Variants in SVIL observed in about 807,000 individuals in gnomAD.
SVIL encodes the protein supervillin.
SVIL carries 101 observed loss-of-function variants against 240.4 expected under a neutral mutation model. The ratio of observed to expected loss-of-function variants is 0.42; its 90% CI spans 0.36 to 0.50. The LOEUF (loss-of-function observed/expected upper bound fraction) is 0.50, where lower values mean the gene tolerates loss of function less well. SVIL is among the 20% of genes least tolerant of loss of function. The pLI, the probability that SVIL is intolerant of heterozygous loss-of-function variation, is 0.01. For missense variants in SVIL, 2,512 were observed against 2,818.7 expected (o/e 0.89, Z 2.46); for synonymous variants, 999 against 1,100.0 (o/e 0.91, Z 1.82).
intron 1 of SVIL, among the ~76,000 whole-genome samples, chr10:29,723,595 G>C (rs1964113099): frequency 6.6e-6 from 1 of 151,866 alleles, no homozygotes; most frequent in Non-Finnish European, 1.5e-5. Context: ...GGAAAATGAG[G>C]AAGAAGAAGG....
At chr10:29,697,101 A>G (rs1962129752) in intron 1 of SVIL, among the ~76,000 whole-genome samples, 1 of 114,644 alleles carries the variant, frequency 8.7e-6, no homozygotes, top group Non-Finnish European at 1.8e-5. Flanking sequence ...GGAAGTGAGG[A>G]GCCCCTCTGC....
intron 6 of SVIL, among the ~76,000 whole-genome samples, chr10:29,544,343 G>T (rs535655826): frequency 3.9e-5 from 6 of 152,284 alleles, no homozygotes; most frequent in African/African-American, 1.4e-4. Context: ...TACAAAATCT[G>T]CAAGGACACA....
chr10:29,639,952 T>G (rs574258724), upstream of SVIL, among the ~76,000 whole-genome samples: 3 of 152,166 alleles, frequency 2.0e-5, no homozygotes, highest in South Asian at 6.2e-4. Context: ...TCTGGCGCTT[T>G]GGGGAATGCC....
At chr10:29,564,591 T>C (rs1175018060) in intron 2 of SVIL, among the ~76,000 whole-genome samples, 3 of 152,160 alleles carry the variant, frequency 2.0e-5, no homozygotes, top group African/African-American at 7.2e-5. Flanking sequence ...CCACTGCGCA[T>C]ACTGTGTAAG....
intron 6 of SVIL, among the ~76,000 whole-genome samples, chr10:29,542,471 T>C (rs976761205): frequency 6.6e-6 from 1 of 152,108 alleles, no homozygotes; most frequent in African/African-American, 2.4e-5. Flanking sequence ...GCTAAAATCC[T>C]CTTCTGGGTA....
chr10:29,631,339 C>T (rs1958082563), intron 1 of SVIL, among the ~76,000 whole-genome samples: 1 of 152,174 alleles, frequency 6.6e-6, no homozygotes, highest in Non-Finnish European at 1.5e-5. Flanking sequence ...AAGCAGTAGC[C>T]CAGGTAAGAG....
In SVIL at chr10:29,480,740, G is replaced by A. The variant is rs762347128; in HGVS notation, c.5174C>T (p.Thr1725Ile). 19 of 1,614,160 alleles carry A rather than the reference G, an allele frequency of 1.2e-5. No individual in the cohort carries two copies. Among genetic ancestry groups the A allele is most frequent in the South Asian group, 6.6e-5 (6 of 91,088 alleles). ...GCCGACGTTCACTCCGTCCAGGATGGTGCCTGCTGTCGTCTGGGGCATGGA... is the reference window on the plus strand; with the variant it reads ...GCCGACGTTCACTCCGTCCAGGATGATGCCTGCTGTCGTCTGGGGCATGGA... ...MVSMPQTTAG[T>I]ILDGVNVGRG... Residue 1725 changes from threonine to isoleucine, a missense_variant, in exon 29 of 38, where the codon ACC (threonine) becomes ATC (isoleucine). By Grantham distance (89) the Thr-to-Ile change is moderately conservative. Around this residue, in one of 3 missense-constraint regions of SVIL, gnomAD observed 797 missense variants for 925.3 expected, o/e 0.86. Transcript: ENST00000355867.
At chr10:29,526,305 C>T (rs1349341516) in intron 13 of SVIL, among the ~76,000 whole-genome samples, 58 of 114,964 alleles carry the variant, frequency 5.0e-4, no homozygotes, top group African/African-American at 7.5e-4. Flanking sequence ...TTTTCTCTTT[C>T]TTTTTTTTTT....
chr10:29,554,839 A>T lies in SVIL; in HGVS notation c.104T>A (p.Leu35Gln), dbSNP rs1180847879. Reference sequence around the variant, plus strand: ...CATGTATCGAGGGGTGTCTTCCTCCAGCAGGCGGTGAGTCACCAATCCTGT... The same window carrying T: ...CATGTATCGAGGGGTGTCTTCCTCCTGCAGGCGGTGAGTCACCAATCCTGT... ...SCTGLVTHRL[L>Q]EEDTPRYMRA... Residue 35 changes from leucine to glutamine, a missense_variant, in exon 5 of 38, where the codon CTG (leucine) becomes CAG (glutamine). Leu to Gln is a moderately radical substitution (Grantham distance 113). Around this residue, in one of 3 missense-constraint regions of SVIL, gnomAD observed 1,443 missense variants for 1,486.6 expected, o/e 0.97. Transcript: ENST00000355867. The T allele has an allele frequency of 6.2e-7, 1 of 1,613,792 alleles. No individual in the cohort carries two copies. The highest frequency in any genetic ancestry group is 1.7e-5 in the Admixed American group (1 of 59,966).
intron 12 of SVIL, among the ~76,000 whole-genome samples, chr10:29,528,667 G>A (rs1023075196): frequency 2.0e-5 from 3 of 152,058 alleles, no homozygotes; most frequent in East Asian, 1.9e-4. Flanking sequence ...GAGCCCAGGA[G>A]GTTGAGGCTG....
chr10:29,602,450 C>A, intron 1 of SVIL: 1 of 294,394 alleles, frequency 3.4e-6, no homozygotes, highest in Non-Finnish European at 7.1e-6. Flanking sequence ...TACATACACT[C>A]TTCCATAAAA....
chr10:29,487,223 G>A lies in SVIL; in HGVS notation c.4425C>T (p.Leu1475=). 1.2e-6 allele frequency: 2 copies of A among 1,614,156 alleles called. No individual in the cohort carries two copies. The highest frequency in any genetic ancestry group is 1.7e-6 in the Non-Finnish European group (2 of 1,180,014). Residue 1475 remains leucine, a synonymous_variant, in exon 24 of 38, where the codon CTC becomes CTT. Transcript: ENST00000355867. The part of the protein sequence containing the change: ...ALNSGDCFLL[L]SPHCCFLWVG... ...CCCACAGGAAGCAGCAGTGGGGAGA[G>A]AGCAGGAGGAAGCAGTCCCCACTGT...
At chr10:29,502,137 C>T (rs1310545967) in intron 17 of SVIL, among the ~76,000 whole-genome samples, 2 of 152,144 alleles carry the variant, frequency 1.3e-5, no homozygotes, top group South Asian at 2.1e-4. Context: ...AATTTTTACT[C>T]CCTTCTGAAT....
intron 29 of SVIL, among the ~76,000 whole-genome samples, chr10:29,477,302 G>A (rs1342625675): frequency 6.6e-6 from 1 of 152,210 alleles, no homozygotes; most frequent in Non-Finnish European, 1.5e-5. Flanking sequence ...GACTGTTCAT[G>A]GTCAAGCATT....
intron 1 of SVIL, among the ~76,000 whole-genome samples, chr10:29,710,336 C>T (rs1451950918): frequency 2.0e-5 from 3 of 152,304 alleles, no homozygotes; most frequent in Admixed American, 6.5e-5. Context: ...GGATTATAGG[C>T]GTGAGCCACC....
intron 1 of SVIL, among the ~76,000 whole-genome samples, chr10:29,705,598 G>A (rs549333928): frequency 6.6e-6 from 1 of 152,082 alleles, no homozygotes; most frequent in South Asian, 2.1e-4. Context: ...TTTAAGCCCT[G>A]TATGCATTAG....
chr10:29,622,625 G>A lies in SVIL; in HGVS notation c.-201+11795C>T, dbSNP rs555266648. Reference sequence around the variant, plus strand: ...CCCTGGTTCCCAGAGGACAACTTTAGTTTCCATCCATACGTTTAAACACGT... The same window carrying A: ...CCCTGGTTCCCAGAGGACAACTTTAATTTCCATCCATACGTTTAAACACGT... On this transcript the variant is annotated intron_variant, in intron 1 of 37. Transcript: ENST00000355867. Among the ~76,000 whole-genome samples the A allele has an allele frequency of 3.3e-5, 5 of 152,234 alleles. No homozygotes were observed. In the East Asian group the frequency reaches 9.7e-4, roughly 29 times the overall value.
At chr10:29,612,484 T>C (rs1957282356) in intron 1 of SVIL, among the ~76,000 whole-genome samples, 1 of 152,084 alleles carries the variant, frequency 6.6e-6, no homozygotes, top group Non-Finnish European at 1.5e-5. Context: ...TGCACGCTGA[T>C]AAAGGACCTC....
intron 1 of SVIL, among the ~76,000 whole-genome samples, chr10:29,571,591 A>G (rs1303302117): frequency 6.6e-6 from 1 of 152,210 alleles, no homozygotes; most frequent in African/African-American, 2.4e-5. Flanking sequence ...CTGTGGGAAA[A>G]GAAAGGGCAG....
Sources: gnomAD v4.1 joint callset for allele counts (sites outside exome capture counted in the v4.1 genomes callset) on GRCh38, gnomAD v4.1.1 for gene constraint, gnomAD v4.1.1 regional missense constraint, MANE v1.5 for transcripts, NCBI Gene and HGNC (gene_info 2026-07-23, HGNC 2026-07-21) for gene names.